CDC14B: variants seen among roughly 807,000 people sequenced by gnomAD.
The protein encoded by CDC14B is cell division cycle 14B.
CDC14B carries 22 observed loss-of-function variants against 64.2 expected under a neutral mutation model. The observed-to-expected ratio is 0.34, with a 90% CI of 0.24 to 0.49. CDC14B has a LOEUF of 0.49. CDC14B is among the 20% of genes least tolerant of loss of function. The pLI, the probability that CDC14B is intolerant of heterozygous loss-of-function variation, is 0.99. For missense variants in CDC14B, 498 were observed against 629.9 expected (o/e 0.79, Z 2.24); for synonymous variants, 191 against 215.8 (o/e 0.89, Z 1.01).
At chr9:96,509,504 G>C (rs917771504) in intron 13 of CDC14B, among the ~76,000 whole-genome samples, 169 bp downstream of exon 13, 1 of 152,150 alleles carries the variant, frequency 6.6e-6, no homozygotes, top group Admixed American at 6.5e-5. Flanking sequence ...ACATTAAAAT[G>C]GTCCAGATTT....
chr9:96,595,355 G>A (rs1846010529), intron 1 of CDC14B, among the ~76,000 whole-genome samples: 1 of 152,156 alleles, frequency 6.6e-6, no homozygotes, highest in African/African-American at 2.4e-5. Context: ...ATACAACGAA[G>A]CAGAAAAGCA....
At chr9:96,520,432 G>C (rs1367866282) in intron 12 of CDC14B, among the ~76,000 whole-genome samples, 1 of 152,008 alleles carries the variant, frequency 6.6e-6, no homozygotes, top group African/African-American at 2.4e-5. Context: ...TGCAGCCTCA[G>C]ACTCCTGGGC....
At position 96,502,929 on chromosome 9, in the gene CDC14B, A is replaced by G. The variant is rs1281510918; in HGVS notation, c.*824T>C. Reference sequence around the variant, plus strand: ...GAAAAACCAATAGTGTGTTTCTTCCATTCATGGAAGGAAATATGATTTTAA... The same window carrying G: ...GAAAAACCAATAGTGTGTTTCTTCCGTTCATGGAAGGAAATATGATTTTAA... On this transcript the variant is annotated 3_prime_UTR_variant, in exon 14 of 14. Coordinates refer to ENST00000375241, the MANE Select transcript of CDC14B (RefSeq NM_033331.4). The G allele has an allele frequency of 2.5e-6, 1 of 398,284 alleles. No homozygotes were observed. The highest frequency in any genetic ancestry group is 2.1e-5 in the African/African-American group (1 of 48,548). The allele number at this position is 398,284 out of a possible 1,614,324, so 24.7% of individuals were successfully genotyped here. A position where few individuals can be genotyped will look rare whatever the true frequency, so the allele number is the denominator to read the frequency against.
chr9:96,555,392 G>A (rs996940003), intron 4 of CDC14B, among the ~76,000 whole-genome samples: 1 of 152,310 alleles, frequency 6.6e-6, no homozygotes, highest in South Asian at 2.1e-4. Context: ...ATGTGACTGA[G>A]CCCCCTTAGA....
intron 5 of CDC14B, among the ~76,000 whole-genome samples, chr9:96,544,204 C>T (rs920896080): frequency 1.1e-4 from 16 of 151,668 alleles, no homozygotes; most frequent in Non-Finnish European, 1.9e-4. Context: ...GGTGACAGAG[C>T]GAGACTCCCA....
intron 12 of CDC14B, among the ~76,000 whole-genome samples, chr9:96,517,037 T>C (rs115205503): frequency 0.013 from 2,046 of 151,860 alleles, 45 homozygotes; most frequent in African/African-American, 0.046. Context: ...GCCTCTTTTT[T>C]ATTTTTAAGA....
intron 1 of CDC14B, among the ~76,000 whole-genome samples, chr9:96,606,163 A>AT (rs1389307770): frequency 6.6e-6 from 1 of 151,114 alleles, no homozygotes; most frequent in Non-Finnish European, 1.5e-5. Flanking sequence ...GCAAAACCCC[A>AT]TTTCAACTAA....
At chr9:96,567,990 A>AC (rs1454668498) in intron 1 of CDC14B, among the ~76,000 whole-genome samples, 12 of 152,232 alleles carry the variant, frequency 7.9e-5, no homozygotes, top group African/African-American at 2.9e-4. Flanking sequence ...TATATTCTAA[A>AC]CCTATGTTTG....
chr9:96,509,742 T>C lies in CDC14B; in HGVS notation c.1391A>G (p.Asn464Ser). The C allele has an allele frequency of 9.3e-6, 15 of 1,613,360 alleles. No homozygotes were observed. The highest frequency in any genetic ancestry group is 1.3e-5 in the Non-Finnish European group (15 of 1,179,340). Residue 464 changes from asparagine to serine, a missense_variant, in exon 13 of 14, where the codon AAC becomes AGC. Coordinates refer to ENST00000375241, the MANE Select transcript of CDC14B (RefSeq NM_033331.4). ...AGTAATGCCTGCACTGCCAGAAATG[T>C]TAGGTTCAGATGTTTTACAGCTCTG... ...SVQSCKTSEPNISGSAGITKR... is the reference protein window; with the variant it reads ...SVQSCKTSEPSISGSAGITKR...
At chr9:96,492,112 C>T (rs13286011) in exon 14 of CDC14B, 3,809 of 152,422 alleles carry the variant, frequency 0.025, 66 homozygotes, top group Middle Eastern at 0.049. Context: ...TGGACATGTC[C>T]TGAGGCAGGG....
chr9:96,563,325 C>T (rs1843465452), intron 3 of CDC14B, among the ~76,000 whole-genome samples: 1 of 152,156 alleles, frequency 6.6e-6, no homozygotes, highest in Admixed American at 6.5e-5. Flanking sequence ...TTGAGCTCTA[C>T]ATCCATGATG....
chr9:96,531,553 C>T (rs1277439736), intron 9 of CDC14B, among the ~76,000 whole-genome samples: 1 of 151,958 alleles, frequency 6.6e-6, no homozygotes. Flanking sequence ...AAAGGTTTAT[C>T]ATTTTTGTTA....
chr9:96,592,037 G>C (rs148135297), intron 1 of CDC14B, among the ~76,000 whole-genome samples: 2 of 151,922 alleles, frequency 1.3e-5, no homozygotes, highest in Admixed American at 6.6e-5. Context: ...GAGCCACAGC[G>C]CCCGGCCTGT....
chr9:96,533,100 G>A (rs369571453), intron 9 of CDC14B, among the ~76,000 whole-genome samples: 42 of 152,196 alleles, frequency 2.8e-4, no homozygotes, highest in African/African-American at 9.9e-4. Context: ...CAAAGTAGCT[G>A]GGATTACAGG....
Position 96,619,426 on chromosome 9 carries a change from C to G in CDC14B, c.-48G>C. The G allele has an allele frequency of 2.8e-6, 3 of 1,086,128 alleles. No homozygotes were observed. Among genetic ancestry groups the G allele is most frequent in the Non-Finnish European group, 3.4e-6 (3 of 894,050 alleles). The allele number at this position is 1,086,128 out of a possible 1,614,324, so 67.3% of individuals were successfully genotyped here. Reference sequence around the variant, plus strand: ...GGGGCCACGACCATGGCCCCGCGCGCCCGCGCGCCCGCCGAGGCTCCCGCC... The same window carrying G: ...GGGGCCACGACCATGGCCCCGCGCGGCCGCGCGCCCGCCGAGGCTCCCGCC... On this transcript the variant is annotated 5_prime_UTR_variant, in exon 1 of 14. Coordinates refer to ENST00000375241, the MANE Select transcript of CDC14B (RefSeq NM_033331.4).
intron 1 of CDC14B, among the ~76,000 whole-genome samples, chr9:96,592,795 G>T (rs923319052): frequency 4.0e-5 from 6 of 151,826 alleles, no homozygotes; most frequent in Non-Finnish European, 5.9e-5. Flanking sequence ...CAAAAAAACA[G>T]GTTGCTAAAC....
intron 12 of CDC14B, chr9:96,514,691 T>G: frequency 3.0e-6 from 3 of 985,448 alleles, no homozygotes; most frequent in Non-Finnish European, 3.6e-6. Context: ...GAGAAGAAAT[T>G]CTTAAAATAT....
chr9:96,594,982 C>A (rs1275528351), intron 1 of CDC14B, among the ~76,000 whole-genome samples: 2 of 152,070 alleles, frequency 1.3e-5, no homozygotes, highest in Non-Finnish European at 2.9e-5. Context: ...GAAACCCCGT[C>A]TCTACTAAAA....
At chr9:96,519,310 T>A (rs1387810357) in intron 12 of CDC14B, among the ~76,000 whole-genome samples, 1 of 152,186 alleles carries the variant, frequency 6.6e-6, no homozygotes, top group Non-Finnish European at 1.5e-5. Flanking sequence ...CATCACGTCC[T>A]GAAGATCAGC....
Sources: allele counts gnomAD v4.1 joint callset (sites outside exome capture counted in the v4.1 genomes callset), GRCh38; gene constraint gnomAD v4.1.1; transcripts MANE v1.5; gene names NCBI Gene and HGNC (gene_info 2026-07-23, HGNC 2026-07-21).